PTN: variants seen among roughly 807,000 people sequenced by gnomAD.
PTN encodes pleiotrophin.
In PTN, 18 loss-of-function variants were observed where a neutral mutation model predicts 24.1. The ratio of observed to expected loss-of-function variants is 0.75; its 90% CI spans 0.52 to 1.11. PTN has a LOEUF of 1.11. Ranked by LOEUF, PTN falls within the 50% of genes least tolerant of loss-of-function variation. The pLI is 0.00. For synonymous variants in PTN, 78 were observed against 68.6 expected, an observed-to-expected ratio of 1.14 and a Z score of -0.67; for missense variants, 163 against 198.8, an observed-to-expected ratio of 0.82 and a Z score of 1.08.
At chr7:137,336,951 T>C (rs1424047579) in intron 1 of PTN, among the ~76,000 whole-genome samples, 1 of 152,218 alleles carries the variant, frequency 6.6e-6, no homozygotes, top group African/African-American at 2.4e-5. Flanking sequence ...CAATATTTGC[T>C]CACGGTCACA....
chr7:137,286,453 T>C (rs1238363090), intron 1 of PTN, among the ~76,000 whole-genome samples: 1 of 152,184 alleles, frequency 6.6e-6, no homozygotes, highest in Admixed American at 6.5e-5. Context: ...TTTCTTATGA[T>C]CAATTCCTAT....
chr7:137,267,541 T>C (rs763191425), intron 1 of PTN, among the ~76,000 whole-genome samples: 1 of 152,126 alleles, frequency 6.6e-6, no homozygotes, highest in Non-Finnish European at 1.5e-5. Context: ...CCACCTCAAA[T>C]GCTGGCCAGT....
chr7:137,281,506 A>G (rs1809474191), intron 1 of PTN, among the ~76,000 whole-genome samples: 1 of 152,324 alleles, frequency 6.6e-6, no homozygotes, highest in African/African-American at 2.4e-5. Flanking sequence ...GACCTCACCC[A>G]GGTGCTTGTT....
chr7:137,237,460 T>G (rs893221382), intron 4 of PTN, among the ~76,000 whole-genome samples: 1 of 152,200 alleles, frequency 6.6e-6, no homozygotes, highest in African/African-American at 2.4e-5. Context: ...ATATTTCATT[T>G]TTGTGTATCC....
chr7:137,231,813 G>A lies in PTN; in HGVS notation c.452-3738C>T, dbSNP rs542536894. The stretch of plus-strand genomic sequence containing the variant: ...TGAAGAAGAAAACTTACAAACATAC[G>A]TATATGAAATTTATCCAGGTTTCTT... On this transcript the variant is annotated intron_variant, in intron 4 of 4. Coordinates refer to ENST00000348225, the MANE Select transcript of PTN (RefSeq NM_002825.7). Among the ~76,000 whole-genome samples the A allele has an allele frequency of 3.3e-4, 50 of 151,832 alleles. 1 individual carries two copies. Among genetic ancestry groups the A allele is most frequent in the East Asian group, 1.9e-4 (1 of 5,152 alleles).
chr7:137,312,191 T>A (rs75193610), intron 1 of PTN, among the ~76,000 whole-genome samples: 4,831 of 152,310 alleles, frequency 0.032, 113 homozygotes, highest in Non-Finnish European at 0.049. Context: ...TGAGTGCCAA[T>A]AGCAAAGCCA....
In PTN at chr7:137,252,195, C is replaced by T. The variant is rs11970870; in HGVS notation, c.290-804G>A. Reference sequence around the variant, plus strand: ...TTTCTTGGCACCCTCACTAGCATTTCGTCTTGTCACTATTTTTTATTCTAG... The same window carrying T: ...TTTCTTGGCACCCTCACTAGCATTTTGTCTTGTCACTATTTTTTATTCTAG... On this transcript the variant is annotated intron_variant, in intron 3 of 4. Coordinates refer to ENST00000348225, the MANE Select transcript of PTN (RefSeq NM_002825.7). Among the ~76,000 whole-genome samples the T allele has an allele frequency of 1.7e-3, 260 of 151,980 alleles. 2 individuals carry two copies. Among genetic ancestry groups the T allele is most frequent in the Non-Finnish European group, 2.9e-3 (200 of 68,012 alleles).
intron 1 of PTN, among the ~76,000 whole-genome samples, chr7:137,280,341 G>T (rs1022111150): frequency 6.6e-6 from 1 of 152,092 alleles, no homozygotes; most frequent in Admixed American, 6.5e-5. Flanking sequence ...CTGGAAGAGA[G>T]CTCTAGTCTG....
chr7:137,262,287 TGC>T (rs1443845894), intron 1 of PTN, among the ~76,000 whole-genome samples: 1 of 152,164 alleles, frequency 6.6e-6, no homozygotes, highest in Non-Finnish European at 1.5e-5. Flanking sequence ...TAAAAGCAAT[TGC>T]TTTTTTATCT....
chr7:137,258,335 T>C (rs1265006583), intron 1 of PTN, among the ~76,000 whole-genome samples: 1 of 152,146 alleles, frequency 6.6e-6, no homozygotes, highest in African/African-American at 2.4e-5. Context: ...ATTAAGAACA[T>C]TAAGAATTGA....
At position 137,251,620 on chromosome 7, in the gene PTN, T is replaced by C. The variant is rs140809061; in HGVS notation, c.290-229A>G. Among the ~76,000 whole-genome samples the C allele has an allele frequency of 2.0e-5, 3 of 149,136 alleles. No individual in the cohort carries two copies. The East Asian group carries it at 5.8e-4, about 29-fold the overall frequency. On this transcript the variant is annotated intron_variant, in intron 3 of 4. Coordinates refer to ENST00000348225, the MANE Select transcript of PTN (RefSeq NM_002825.7). Reference sequence around the variant, plus strand: ...AATATACACCATTAATACACACTAATATACACTATTAATATACAGTCCCAA... The same window carrying C: ...AATATACACCATTAATACACACTAACATACACTATTAATATACAGTCCCAA...
At chr7:137,275,502 T>C (rs1014646822) in intron 1 of PTN, among the ~76,000 whole-genome samples, 4 of 152,170 alleles carry the variant, frequency 2.6e-5, no homozygotes, top group Non-Finnish European at 5.9e-5. Flanking sequence ...TTAAGAGGAT[T>C]CAGCCAATAA....
intron 1 of PTN, among the ~76,000 whole-genome samples, chr7:137,258,399 C>A (rs1808973318): frequency 6.6e-6 from 1 of 152,124 alleles, no homozygotes. Flanking sequence ...GCACACAAGT[C>A]CATGTGTACA....
Position 137,333,091 on chromosome 7 carries a change from G to C in PTN, c.-2+10348C>G, listed in dbSNP as rs185887999. Reference sequence around the variant, plus strand: ...TGAGTAGATTAATGCCCTCCCTGGTGGGTTTTGGGAGGGTGGGTAAGTGAG... The same window carrying C: ...TGAGTAGATTAATGCCCTCCCTGGTCGGTTTTGGGAGGGTGGGTAAGTGAG... On this transcript the variant is annotated intron_variant, in intron 1 of 4. Coordinates refer to ENST00000348225, the MANE Select transcript of PTN (RefSeq NM_002825.7). Among the ~76,000 whole-genome samples, 41 of 152,230 alleles carry C rather than the reference G, an allele frequency of 2.7e-4. No homozygotes were observed. The East Asian group carries it at 7.2e-3, about 27-fold the overall frequency.
At chr7:137,248,192 A>C (rs1808757749) in intron 4 of PTN, among the ~76,000 whole-genome samples, 1 of 152,220 alleles carries the variant, frequency 6.6e-6, no homozygotes, top group African/African-American at 2.4e-5. Flanking sequence ...AGACGTGCAA[A>C]GGAAAAGCTA....
At chr7:137,295,529 G>T (rs1245803558) in intron 1 of PTN, among the ~76,000 whole-genome samples, 5 of 151,964 alleles carry the variant, frequency 3.3e-5, no homozygotes, top group Non-Finnish European at 7.4e-5. Flanking sequence ...TCCGAATGGA[G>T]ACATGGTGTA....
intron 1 of PTN, among the ~76,000 whole-genome samples, chr7:137,332,099 C>T (rs1206565638): frequency 1.3e-5 from 2 of 152,122 alleles, no homozygotes; most frequent in African/African-American, 2.4e-5. Context: ...GAATCAAGTG[C>T]ATATGTTAAT....
intron 4 of PTN, among the ~76,000 whole-genome samples, chr7:137,239,023 C>T (rs1007912436): frequency 6.6e-6 from 1 of 152,184 alleles, no homozygotes; most frequent in African/African-American, 2.4e-5. Flanking sequence ...TGTGAGTACA[C>T]AGCTAATGAC....
chr7:137,308,965 A>G, intron 1 of PTN, among the ~76,000 whole-genome samples: 1 of 152,188 alleles, frequency 6.6e-6, no homozygotes, highest in East Asian at 1.9e-4. Flanking sequence ...TGATGTTGGG[A>G]CTGAAAGAAA....
Sources: allele counts gnomAD v4.1 joint callset (sites outside exome capture counted in the v4.1 genomes callset), GRCh38; gene constraint gnomAD v4.1.1; transcripts MANE v1.5; gene names NCBI Gene and HGNC (gene_info 2026-07-23, HGNC 2026-07-21).